TOX: variants seen among roughly 807,000 people sequenced by gnomAD.
TOX encodes the protein thymocyte selection-associated high mobility group box protein TOX.
Under a neutral mutation model 53.7 loss-of-function variants are expected in TOX, and 11 were observed. The ratio of observed to expected loss-of-function variants is 0.20; its 90% CI spans 0.13 to 0.34. The LOEUF (loss-of-function observed/expected upper bound fraction) is 0.34. Among genes scored for constraint, TOX ranks in the 10% least tolerant of loss-of-function variants. TOX has a pLI of 1.00. For synonymous variants in TOX, 225 were observed against 245.3 expected, an observed-to-expected ratio of 0.92 and a Z score of 0.77; for missense variants, 570 against 664.6, an observed-to-expected ratio of 0.86 and a Z score of 1.56.
chr8:58,861,901 C>T (rs1215195061), intron 3 of TOX, among the ~76,000 whole-genome samples: 1 of 152,058 alleles, frequency 6.6e-6, no homozygotes, highest in Non-Finnish European at 1.5e-5. Flanking sequence ...CATTTAGAGG[C>T]ACTTAAATCA....
intron 1 of TOX, among the ~76,000 whole-genome samples, chr8:59,085,814 C>G (rs1804496664): frequency 6.6e-6 from 1 of 151,956 alleles, no homozygotes; most frequent in Admixed American, 6.6e-5. Context: ...TTATTATTGT[C>G]CAAAGGAAAG....
chr8:59,084,366 T>C (rs1157917731), intron 1 of TOX, among the ~76,000 whole-genome samples: 2 of 152,142 alleles, frequency 1.3e-5, no homozygotes, highest in Non-Finnish European at 2.9e-5. Context: ...ATTAATATTG[T>C]ACTGGAAAAT....
intron 1 of TOX, among the ~76,000 whole-genome samples, chr8:59,093,009 A>C (rs1453951986): frequency 6.6e-6 from 1 of 152,236 alleles, no homozygotes; most frequent in Non-Finnish European, 1.5e-5. Flanking sequence ...GGGGGATCCC[A>C]ACACCAACAA....
rs368110899 is a variant in TOX, at chr8:58,872,282, TTAAAG to T, written c.412-20482_412-20478del. ...ATAAATACCCATGAGCACATTCTGA[TTAAAG>T]TAAAGGGTTGAATAAGTAAACACAT... On this transcript the variant is annotated intron_variant, in intron 3 of 8. Coordinates refer to ENST00000361421, the MANE Select transcript of TOX (RefSeq NM_014729.3). Among the ~76,000 whole-genome samples, 767 of 152,130 alleles carry T rather than the reference TTAAAG, an allele frequency of 5.0e-3. 8 individuals are homozygous for T. Among genetic ancestry groups the T allele is most frequent in the African/African-American group, 0.016 (655 of 41,496 alleles).
intron 3 of TOX, among the ~76,000 whole-genome samples, chr8:58,872,239 A>G (rs548737187): frequency 3.3e-4 from 50 of 152,272 alleles, no homozygotes; most frequent in African/African-American, 1.2e-3. Flanking sequence ...GTTCTGAATC[A>G]TAACACAAAG....
At chr8:58,886,910 T>C (rs149711991) in intron 3 of TOX, among the ~76,000 whole-genome samples, 1 of 152,016 alleles carries the variant, frequency 6.6e-6, no homozygotes, top group East Asian at 1.9e-4. Context: ...TATAGGGGCA[T>C]CCTTATCTCA....
intron 1 of TOX, among the ~76,000 whole-genome samples, chr8:59,034,384 C>G (rs1814416484): frequency 6.6e-6 from 1 of 152,242 alleles, no homozygotes; most frequent in Admixed American, 6.5e-5. Flanking sequence ...CTACTCCCAG[C>G]TCAACTGGAG....
intron 1 of TOX, among the ~76,000 whole-genome samples, chr8:59,105,565 A>T (rs555061439): frequency 1.3e-5 from 2 of 152,118 alleles, no homozygotes. Context: ...TGAAGGCTGG[A>T]TCGTCAGCCT....
intron 3 of TOX, among the ~76,000 whole-genome samples, chr8:58,928,472 C>T (rs16924248): frequency 0.013 from 1,985 of 152,204 alleles, 58 homozygotes; most frequent in African/African-American, 0.046. Context: ...ATCAGAGTCC[C>T]AGACACACAA....
intron 1 of TOX, among the ~76,000 whole-genome samples, chr8:59,001,046 T>C (rs954502850): frequency 6.6e-5 from 10 of 152,090 alleles, no homozygotes; most frequent in African/African-American, 2.4e-4. Context: ...CTTAGAACAA[T>C]TGGTAATTAT....
rs199817636 is a variant in TOX at position 58,915,294 on chromosome 8, G to A, written c.411+24008C>T. Reference sequence around the variant, plus strand: ...ACAGCAGTAACCTCTGCAGACTTAAGTGTCCCTGTCTGACAGCTTTGAAGA... The same window carrying A: ...ACAGCAGTAACCTCTGCAGACTTAAATGTCCCTGTCTGACAGCTTTGAAGA... On this transcript the variant is annotated intron_variant, in intron 3 of 8. Coordinates refer to ENST00000361421, the MANE Select transcript of TOX (RefSeq NM_014729.3). Among the ~76,000 whole-genome samples, 352 of 118,292 alleles carry A rather than the reference G, an allele frequency of 3.0e-3. 3 individuals carry two copies. Among genetic ancestry groups the A allele is most frequent in the Non-Finnish European group, 5.4e-3 (312 of 57,362 alleles). 77.6% of individuals were successfully genotyped at this position (118,292 alleles called of 152,430 possible). A position where few individuals can be genotyped will look rare whatever the true frequency, so the allele number is the denominator to read the frequency against.
At chr8:58,955,830 G>T (rs2129178063) in intron 2 of TOX, among the ~76,000 whole-genome samples, 1 of 151,604 alleles carries the variant, frequency 6.6e-6, no homozygotes, top group Admixed American at 6.6e-5. Context: ...CACCTCCTGG[G>T]TTCAAGCAAT....
Position 58,838,113 on chromosome 8 carries a change from T to C in TOX, c.892A>G (p.Met298Val). ...TGCTCTTCTCCTAAACCGTCCCACA[T>C]TGAAGCCACAATTTTAGAGACTTCG... Reference protein sequence around the residue: ...FGEVSKIVASMWDGLGEEQKQ... With the variant: ...FGEVSKIVASVWDGLGEEQKQ... Residue 298 changes from methionine to valine, a missense_variant, in exon 5 of 9, where the codon ATG becomes GTG. This residue lies in a region of TOX where 49 missense variants were observed against 98.9 expected (regional missense o/e 0.50). Transcript: ENST00000361421. The C allele has an allele frequency of 1.2e-6, 2 of 1,614,172 alleles. No homozygotes were observed. Among genetic ancestry groups the C allele is most frequent in the South Asian group, 1.1e-5 (1 of 91,082 alleles).
intron 1 of TOX, among the ~76,000 whole-genome samples, chr8:59,034,072 G>A (rs959129840): frequency 6.6e-6 from 1 of 152,152 alleles, no homozygotes; most frequent in South Asian, 2.1e-4. Context: ...CCTCCCCAAC[G>A]AGTTCCCATC....
intron 5 of TOX, among the ~76,000 whole-genome samples, chr8:58,835,705 T>C (rs1399288293): frequency 6.6e-6 from 1 of 152,204 alleles, no homozygotes; most frequent in Non-Finnish European, 1.5e-5. Flanking sequence ...AATCGTGGGC[T>C]AGGGAGTGCC....
At chr8:58,868,260 C>CT (rs762421460) in intron 3 of TOX, among the ~76,000 whole-genome samples, 31 of 152,144 alleles carry the variant, frequency 2.0e-4, no homozygotes, top group Non-Finnish European at 3.8e-4. Flanking sequence ...TTAAACCTCT[C>CT]TTTTCTTTAT....
intron 3 of TOX, among the ~76,000 whole-genome samples, chr8:58,903,239 A>C (rs1028207227): frequency 4.6e-5 from 7 of 152,128 alleles, no homozygotes; most frequent in African/African-American, 1.7e-4. Context: ...ATGTTCTAAG[A>C]TGGGTGTTAA....
chr8:58,991,451 T>C (rs1813444833), intron 1 of TOX, among the ~76,000 whole-genome samples: 1 of 152,202 alleles, frequency 6.6e-6, no homozygotes, highest in Non-Finnish European at 1.5e-5. Context: ...AAAGGGAAAC[T>C]ATAGTAAGTT....
At chr8:58,830,038 G>T (rs1810426535) in intron 5 of TOX, among the ~76,000 whole-genome samples, 1 of 152,140 alleles carries the variant, frequency 6.6e-6, no homozygotes, top group African/African-American at 2.4e-5. Context: ...GTTTAGGAAA[G>T]AAATGGTCTC....
Sources: gnomAD v4.1 joint callset for allele counts (sites outside exome capture counted in the v4.1 genomes callset) on GRCh38, gnomAD v4.1.1 for gene constraint, gnomAD v4.1.1 regional missense constraint, MANE v1.5 for transcripts, NCBI Gene and HGNC (gene_info 2026-07-23, HGNC 2026-07-21) for gene names.